PCDH9: variants seen among roughly 807,000 people sequenced by gnomAD.
PCDH9 encodes the protein protocadherin-9.
Under a neutral mutation model 70.6 loss-of-function variants are expected in PCDH9, and 24 were observed. The observed-to-expected ratio is 0.34, with a 90% confidence interval of 0.25 to 0.48. The LOEUF is 0.48. PCDH9 is among the 20% of genes least tolerant of loss of function. The pLI is 0.99. For missense variants in PCDH9, 1,281 were observed against 1,503.6 expected (o/e 0.85, Z 2.45); for synonymous variants, 562 against 558.5 (o/e 1.01, Z -0.09).
At chr13:66,700,923 A>AACATATATAT (rs1425269335) in intron 3 of PCDH9, among the ~76,000 whole-genome samples, 30 of 58,452 alleles carry the variant, frequency 5.1e-4, no homozygotes, top group Non-Finnish European at 8.1e-4. Flanking sequence ...TGTACATATA[A>AACATATATAT]ATATATATAT....
chr13:66,472,758 G>A (rs1016207064), intron 4 of PCDH9, among the ~76,000 whole-genome samples: 5 of 152,104 alleles, frequency 3.3e-5, no homozygotes, highest in Non-Finnish European at 7.4e-5. Flanking sequence ...AAGCATCCAA[G>A]CCTGTCTTTA....
chr13:67,142,508 C>T (rs1023301610), intron 2 of PCDH9, among the ~76,000 whole-genome samples: 1 of 152,104 alleles, frequency 6.6e-6, no homozygotes, highest in East Asian at 1.9e-4. Context: ...CAGCTTAGTT[C>T]ACTACTCTCC....
intron 4 of PCDH9, among the ~76,000 whole-genome samples, chr13:66,389,491 A>G (rs1332380408): frequency 6.6e-6 from 1 of 152,212 alleles, no homozygotes; most frequent in African/African-American, 2.4e-5. Flanking sequence ...TTAATTTTTC[A>G]GGACCTTCAG....
chr13:67,183,556 A>AT (rs2088671468), intron 2 of PCDH9, among the ~76,000 whole-genome samples: 1 of 152,212 alleles, frequency 6.6e-6, no homozygotes, highest in South Asian at 2.1e-4. Context: ...AATCAGTTTA[A>AT]TTACAACACT....
chr13:66,814,983 T>C lies in PCDH9; in HGVS notation c.3138+88521A>G, dbSNP rs544255178. ...CAGAGTAGACAGACAACCTACAGTA[T>C]GGGAGAAAATATTTGCAATCTACAC... On this transcript the variant is annotated intron_variant, in intron 3 of 4. Coordinates refer to ENST00000377865, the MANE Select transcript of PCDH9 (RefSeq NM_203487.3). Among the ~76,000 whole-genome samples, 18 of 151,042 alleles carry C rather than the reference T, an allele frequency of 1.2e-4. No homozygotes were observed. In the East Asian group the frequency reaches 2.2e-3, roughly 18 times the overall value.
At chr13:66,943,681 T>C (rs1452415621) in intron 2 of PCDH9, among the ~76,000 whole-genome samples, 3 of 152,040 alleles carry the variant, frequency 2.0e-5, no homozygotes, top group Admixed American at 2.0e-4. Context: ...AACCAAAGGA[T>C]ATGTGTATTT....
chr13:66,588,341 G>C (rs1179721121), intron 4 of PCDH9, among the ~76,000 whole-genome samples: 6 of 151,826 alleles, frequency 4.0e-5, no homozygotes, highest in African/African-American at 9.7e-5. Flanking sequence ...TAAGACCATT[G>C]TATCCTTAGG....
chr13:66,308,428 A>T (rs1237945404), intron 4 of PCDH9, among the ~76,000 whole-genome samples: 2 of 152,102 alleles, frequency 1.3e-5, no homozygotes, highest in Non-Finnish European at 2.9e-5. Flanking sequence ...AGTTTTGTAG[A>T]TTCATAAGTA....
At chr13:66,975,622 CAG>C (rs2139757056) in intron 2 of PCDH9, among the ~76,000 whole-genome samples, 1 of 151,982 alleles carries the variant, frequency 6.6e-6, no homozygotes, top group East Asian at 1.9e-4. Context: ...GGAGGTGGAA[CAG>C]GGGACAAGGA....
rs149525419 is a variant in PCDH9, at chr13:66,346,014, C to T, written c.3341-40986G>A. Among the ~76,000 whole-genome samples the T allele has an allele frequency of 4.8e-3, 725 of 152,138 alleles. 9 individuals carry two copies. The highest frequency in any genetic ancestry group is 0.016 in the African/African-American group (682 of 41,504). ...AAATAAATTAGTGTACTCTTTTCCT[C>T]GTCAGATGGTAAATAGCTAATGGAA... On this transcript the variant is annotated intron_variant, in intron 4 of 4. Transcript: ENST00000377865.
intron 2 of PCDH9, among the ~76,000 whole-genome samples, chr13:66,941,713 T>G (rs946071076): frequency 1.3e-5 from 2 of 151,928 alleles, no homozygotes; most frequent in African/African-American, 4.8e-5. Context: ...TAAACATGTA[T>G]GCACCAACTA....
At chr13:66,307,398 G>A (rs953834831) in intron 4 of PCDH9, among the ~76,000 whole-genome samples, 7 of 152,050 alleles carry the variant, frequency 4.6e-5, no homozygotes, top group Non-Finnish European at 1.5e-5. Context: ...CTTAAAGGCA[G>A]ACCTAAAGTA....
rs115175150 is a variant in PCDH9 at position 66,974,311 on chromosome 13, A to G, written c.3037-70706T>C. On this transcript the variant is annotated intron_variant, in intron 2 of 4. Transcript: ENST00000377865. ...TGGAGTAGCTGCAAAGGATTGTAGA[A>G]AAGAAAATCTCAGCTCTGCTTTCCC... Among the ~76,000 whole-genome samples, 1,219 of 152,088 alleles carry G rather than the reference A, an allele frequency of 8.0e-3. 24 individuals are homozygous for G. Among genetic ancestry groups the G allele is most frequent in the African/African-American group, 0.028 (1,171 of 41,512 alleles).
chr13:67,038,363 AG>A (rs2085048836), intron 2 of PCDH9, among the ~76,000 whole-genome samples: 1 of 152,218 alleles, frequency 6.6e-6, no homozygotes, highest in African/African-American at 2.4e-5. Flanking sequence ...AGATATTTTA[AG>A]ATCACTATAG....
At chr13:66,441,454 A>AT (rs1407522330) in intron 4 of PCDH9, among the ~76,000 whole-genome samples, 3 of 152,152 alleles carry the variant, frequency 2.0e-5, no homozygotes, top group Non-Finnish European at 4.4e-5. Context: ...ACAACTTTTT[A>AT]TTTTTAGAAT....
intron 4 of PCDH9, among the ~76,000 whole-genome samples, chr13:66,331,451 C>T (rs1474918716): frequency 2.0e-5 from 3 of 152,230 alleles, no homozygotes; most frequent in Non-Finnish European, 4.4e-5. Flanking sequence ...TGAATTAACA[C>T]TTGCTGAAAT....
chr13:66,975,063 TG>T (rs753334096), intron 2 of PCDH9, among the ~76,000 whole-genome samples: 172 of 152,024 alleles, frequency 1.1e-3, no homozygotes, highest in Non-Finnish European at 1.8e-3. Flanking sequence ...AAGAAAATTG[TG>T]GGTTTAAAGC....
At chr13:66,758,211 CTT>C (rs1594017307) in intron 3 of PCDH9, among the ~76,000 whole-genome samples, 1 of 151,748 alleles carries the variant, frequency 6.6e-6, no homozygotes, top group East Asian at 1.9e-4. Flanking sequence ...GATGAAAACA[CTT>C]ATCTCCTTTT....
chr13:66,461,534 T>A (rs1382206296), intron 4 of PCDH9, among the ~76,000 whole-genome samples: 1 of 151,154 alleles, frequency 6.6e-6, no homozygotes, highest in African/African-American at 2.4e-5. Flanking sequence ...ACTGTGTCCA[T>A]ATTATCAACT....
Sources: allele counts gnomAD v4.1 joint callset (sites outside exome capture counted in the v4.1 genomes callset), GRCh38; gene constraint gnomAD v4.1.1; transcripts MANE v1.5; gene names NCBI Gene and HGNC (gene_info 2026-07-23, HGNC 2026-07-21).